Variants in DEF6 observed in about 807,000 individuals in gnomAD.
DEF6 encodes DEF6 guanine nucleotide exchange factor, also known as differentially expressed in FDCP 6 homolog.
DEF6 carries 32 observed loss-of-function variants against 80.5 expected under a neutral mutation model. That is an observed-to-expected ratio of 0.40 (90% CI 0.30 to 0.53). The LOEUF is 0.53. Among genes scored for constraint, DEF6 ranks in the 20% least tolerant of loss-of-function variants. The probability of loss-of-function intolerance (pLI) is 0.57; values close to 1 mark genes in which losing one functional copy is unlikely to be tolerated. For missense variants in DEF6, 575 were observed against 818.7 expected (o/e 0.70, Z 3.63); for synonymous variants, 300 against 337.9 (o/e 0.89, Z 1.23).
chr6:35,310,655 T>A lies in DEF6; in HGVS notation c.423+11T>A, dbSNP rs368907376. The A allele has an allele frequency of 7.4e-6, 12 of 1,614,022 alleles. No individual in the cohort carries two copies. In the African/African-American group the frequency reaches 1.6e-4, roughly 22 times the overall value. Reference sequence around the variant, plus strand: ...ATGGTTCCTGATGAGGTGAGGGTGATGGCAGCCCCAGGGACTGAATCACTT... The same window carrying A: ...ATGGTTCCTGATGAGGTGAGGGTGAAGGCAGCCCCAGGGACTGAATCACTT... On this transcript the variant is annotated intron_variant, in intron 3 of 10. Coordinates refer to ENST00000316637, the MANE Select transcript of DEF6 (RefSeq NM_022047.4).
intron 2 of DEF6, among the ~76,000 whole-genome samples, chr6:35,310,014 T>C (rs1184017025): frequency 6.7e-6 from 1 of 148,902 alleles, no homozygotes; most frequent in Non-Finnish European, 1.5e-5. Flanking sequence ...ACCTTCAATG[T>C]CCCTCATCTC....
At position 35,309,778 on chromosome 6, in the gene DEF6, A is replaced by G. The variant is rs778677729; in HGVS notation, c.205A>G (p.Met69Val). The G allele has an allele frequency of 6.2e-7, 1 of 1,613,962 alleles. No individual in the cohort carries two copies. Among genetic ancestry groups the G allele is most frequent in the Non-Finnish European group, 8.5e-7 (1 of 1,180,014 alleles). The change falls in exon 2 of 11, where the codon ATG (methionine) becomes GTG (valine). Residue 69 changes from methionine (M) to valine (V), a missense_variant. Physicochemically the swap from Met to Val is conservative, Grantham distance 21. Coordinates refer to ENST00000316637, the MANE Select transcript of DEF6 (RefSeq NM_022047.4). Reference sequence around the variant, plus strand: ...CGGCCCTGTGTCCAGCCAGGGATACATGCCCTACCTCAACAAGTACATCCT... The same window carrying G: ...CGGCCCTGTGTCCAGCCAGGGATACGTGCCCTACCTCAACAAGTACATCCT... The part of the protein sequence containing the change: ...DDGPVSSQGY[M>V]PYLNKYILDK...
chr6:35,318,010 G>C lies in DEF6; in HGVS notation c.916+11G>C. 4.4e-6 allele frequency: 7 copies of C among 1,609,068 alleles called. No homozygotes were observed. The highest frequency in any genetic ancestry group is 5.9e-6 in the Non-Finnish European group (7 of 1,177,608). The stretch of plus-strand genomic sequence containing the variant: ...AGGAGTGGACAGCTGGTGAGTGCTC[G>C]CTAGGTGGCTTGGGTCTGGGTGGTC... On this transcript the variant is annotated intron_variant, in intron 6 of 10. Transcript: ENST00000316637. The surrounding 1 kb of genome is among the most constrained non-coding windows in gnomAD (Gnocchi z 5.1).
At position 35,306,483 on chromosome 6, in the gene DEF6, C is replaced by T. The variant is rs553350498; in HGVS notation, c.97-3187C>T. ...CCGAGATCACGCCATTGCACTCCAGCCTGGGCAACAAGAGTGAAATTCTGT... is the reference window on the plus strand; with the variant it reads ...CCGAGATCACGCCATTGCACTCCAGTCTGGGCAACAAGAGTGAAATTCTGT... On this transcript the variant is annotated intron_variant, in intron 1 of 10. Coordinates refer to ENST00000316637, the MANE Select transcript of DEF6 (RefSeq NM_022047.4). Among the ~76,000 whole-genome samples the T allele has an allele frequency of 3.6e-4, 54 of 151,492 alleles. 1 individual carries two copies. In the South Asian group the frequency reaches 8.1e-3, roughly 23 times the overall value.
chr6:35,307,865 C>T (rs1298763489), intron 1 of DEF6, among the ~76,000 whole-genome samples: 1 of 152,154 alleles, frequency 6.6e-6, no homozygotes, highest in Non-Finnish European at 1.5e-5. Context: ...GAAGGCTTGG[C>T]ACACACACCA....
chr6:35,320,837 C>A, intron 9 of DEF6, 47 bp from the exon 10 acceptor site: 1 of 1,527,920 alleles, frequency 6.5e-7, no homozygotes, highest in Non-Finnish European at 8.9e-7. Context: ...AGACTCCATG[C>A]CATGGATGAT....
Position 35,312,450 on chromosome 6 carries a change from G to A in DEF6, c.572G>A (p.Gly191Asp). 2 of 1,614,154 alleles carry A rather than the reference G, an allele frequency of 1.2e-6. No individual in the cohort carries two copies. The highest frequency in any genetic ancestry group is 8.5e-7 in the Non-Finnish European group (1 of 1,180,042). Reference sequence around the variant, plus strand: ...CAGTTCCTGGAGCTCTTCAATTCGGGCCGCTGCCTGCGGGGCGTGGGCCGG... The same window carrying A: ...CAGTTCCTGGAGCTCTTCAATTCGGACCGCTGCCTGCGGGGCGTGGGCCGG... ...VWQFLELFNS[G>D]RCLRGVGRDT... Residue 191 changes from glycine to aspartate, a missense_variant, in exon 4 of 11, where the codon GGC becomes GAC. Coordinates refer to ENST00000316637, the MANE Select transcript of DEF6 (RefSeq NM_022047.4). The surrounding 1 kb of genome is among the most constrained non-coding windows in gnomAD (Gnocchi z 6.6).
rs1344439531 is a variant in DEF6, at chr6:35,320,886, T to C, written c.1584T>C (p.Ala528=). ...NRQRADEDVE[A]AQRKLRQAST... is the part of the protein sequence containing the mutation. ...CCCCACTGGCCCTGTCCCCACAGGC[T>C]GCCCAGAGAAAACTGCGCCAGGCCA... The change falls in exon 10 of 11, where the codon GCT becomes GCC. Residue 528 remains alanine, a splice_region_variant and synonymous_variant. Coordinates refer to ENST00000316637, the MANE Select transcript of DEF6 (RefSeq NM_022047.4). The C allele has an allele frequency of 1.2e-6, 2 of 1,606,940 alleles. No homozygotes were observed. The highest frequency in any genetic ancestry group is 1.7e-6 in the Non-Finnish European group (2 of 1,176,072).
At chr6:35,320,089 C>T in intron 9 of DEF6, 72 bp downstream of exon 9, 1 of 1,458,334 alleles carries the variant, frequency 6.9e-7, no homozygotes, top group Non-Finnish European at 9.3e-7. Context: ...TGGAGCCAGG[C>T]TGCCTTCCCT....
At position 35,321,274 on chromosome 6, in the gene DEF6, G is replaced by A. The variant is rs748456257; in HGVS notation, c.1760G>A (p.Arg587His). 22 of 1,613,594 alleles carry A rather than the reference G, an allele frequency of 1.4e-5. No individual in the cohort carries two copies. The highest frequency in any genetic ancestry group is 1.6e-5 in the Non-Finnish European group (19 of 1,179,968). ...HRDSSLKRLTRWGSQGNRTPS... is the reference protein window; with the variant it reads ...HRDSSLKRLTHWGSQGNRTPS... The stretch of plus-strand genomic sequence containing the variant: ...GACTCCTCCCTAAAGCGCCTGACCC[G>A]CTGGGGATCCCAGGGCAACAGGACC... The change falls in exon 11 of 11, where the codon CGC (arginine) becomes CAC (histidine). Residue 587 changes from arginine to histidine, a missense_variant. Coordinates refer to ENST00000316637, the MANE Select transcript of DEF6 (RefSeq NM_022047.4).
chr6:35,315,655 C>G (rs912207669), intron 5 of DEF6, among the ~76,000 whole-genome samples: 3 of 151,936 alleles, frequency 2.0e-5, no homozygotes, highest in Admixed American at 6.6e-5. Flanking sequence ...TTGTATAGAT[C>G]TTTCACTTTG....
intron 10 of DEF6, 45 bp from the exon 11 acceptor site, chr6:35,321,142 C>A: frequency 6.2e-7 from 1 of 1,601,122 alleles, no homozygotes; most frequent in Non-Finnish European, 8.5e-7. Flanking sequence ...TCGCCTCTCA[C>A]CTTTGCATGC....
At chr6:35,317,754 A>G in intron 5 of DEF6, 137 bp from the exon 6 acceptor site, 1 of 644,600 alleles carries the variant, frequency 1.6e-6, no homozygotes, top group East Asian at 2.9e-5. Context: ...GATGCAAGCC[A>G]TGCAGGCTCC....
In DEF6 at chr6:35,321,258, C is replaced by T. The variant is rs1163220823; in HGVS notation, c.1744C>T (p.Leu582=). 1.9e-6 allele frequency: 3 copies of T among 1,613,908 alleles called. No individual in the cohort carries two copies. The South Asian group carries it at 3.3e-5, about 18-fold the overall frequency. The change falls in exon 11 of 11, where the codon CTA becomes TTA. Residue 582 remains leucine (L), a synonymous_variant. Transcript: ENST00000316637. ...TCTGCTTGCCCACCGTGACTCCTCC[C>T]TAAAGCGCCTGACCCGCTGGGGATC... is the stretch of plus-strand genomic sequence containing the variant. ...PPLLAHRDSS[L]KRLTRWGSQG...
Position 35,319,136 on chromosome 6 carries a change from T to C in DEF6, c.1216-388T>C, listed in dbSNP as rs1791556886. Among the ~76,000 whole-genome samples the C allele has an allele frequency of 2.0e-5, 3 of 152,052 alleles. No individual in the cohort carries two copies. Among genetic ancestry groups the C allele is most frequent in the Admixed American group, 2.0e-4 (3 of 15,276 alleles). On this transcript the variant is annotated intron_variant, in intron 7 of 10. Transcript: ENST00000316637. This position sits in a 1 kb window ranked among gnomAD's most constrained non-coding sequence, Gnocchi z 4.5. ...TTTGTTGTAATAATTGTAGTTATAG[T>C]CACATCCTTCCTAGCATCAGCCATG... is the stretch of plus-strand genomic sequence containing the variant.
In DEF6 at chr6:35,312,917, A is replaced by C; in HGVS notation, c.807+145A>C. ...GCTTAGATTAGTGTGACCCAAATAT[A>C]TCCGGATGCCTCAAGGCCATTCTCA... On this transcript the variant is annotated intron_variant, in intron 5 of 10. Coordinates refer to ENST00000316637, the MANE Select transcript of DEF6 (RefSeq NM_022047.4). The surrounding 1 kb of genome is among the most constrained non-coding windows in gnomAD (Gnocchi z 6.6). 2.1e-6 allele frequency: 2 copies of C among 953,258 alleles called. No homozygotes were observed. Among genetic ancestry groups the C allele is most frequent in the Non-Finnish European group, 3.1e-6 (2 of 649,718 alleles). 59.0% of individuals were successfully genotyped at this position (953,258 alleles called of 1,614,324 possible).
intron 3 of DEF6, among the ~76,000 whole-genome samples, chr6:35,311,582 C>G (rs1791467573): frequency 6.6e-6 from 1 of 152,234 alleles, no homozygotes; most frequent in Non-Finnish European, 1.5e-5. Context: ...ACTTGGCTGG[C>G]TGCCCTTGTT....
intron 1 of DEF6, among the ~76,000 whole-genome samples, chr6:35,300,430 C>T (rs756543663): frequency 6.6e-5 from 10 of 152,178 alleles, no homozygotes; most frequent in Non-Finnish European, 1.3e-4. Context: ...TTTGCCACTT[C>T]TCCCCTAATG....
Position 35,319,381 on chromosome 6 carries a change from G to T in DEF6, c.1216-143G>T, listed in dbSNP as rs1432474189. 4.9e-6 allele frequency: 3 copies of T among 610,280 alleles called. No homozygotes were observed. Among genetic ancestry groups the T allele is most frequent in the South Asian group, 2.2e-5 (1 of 44,446 alleles). 37.8% of individuals were successfully genotyped at this position (610,280 alleles called of 1,614,324 possible). A position where few individuals can be genotyped will look rare whatever the true frequency, so the allele number is the denominator to read the frequency against. On this transcript the variant is annotated intron_variant, in intron 7 of 10. Coordinates refer to ENST00000316637, the MANE Select transcript of DEF6 (RefSeq NM_022047.4). The surrounding 1 kb of genome is among the most constrained non-coding windows in gnomAD (Gnocchi z 4.5). ...TGTTCCAGTCAGGCTCTCAGAAAGG[G>T]GTCAGATCAGGAAACCCCAACATGA...
Sources: gnomAD v4.1 joint callset for allele counts (sites outside exome capture counted in the v4.1 genomes callset) on GRCh38, gnomAD v4.1.1 for gene constraint, Gnocchi (gnomAD v3.1) non-coding constraint, MANE v1.5 for transcripts, NCBI Gene and HGNC (gene_info 2026-07-23, HGNC 2026-07-21) for gene names.